The following ARHGAP15 variants were observed in gnomAD, a reference collection of about 807,000 sequenced individuals.
The protein encoded by ARHGAP15 is Rho GTPase activating protein 15, also known as rho GTPase-activating protein 15.
A neutral mutation model predicts 63.7 loss-of-function variants in ARHGAP15; 51 were observed. That is an observed-to-expected ratio of 0.80 (90% confidence interval 0.64 to 1.01). The LOEUF (loss-of-function observed/expected upper bound fraction) is 1.01, where lower values mean the gene tolerates loss of function less well. Ranked by LOEUF, ARHGAP15 falls within the 50% of genes least tolerant of loss-of-function variation. ARHGAP15 has a pLI of 0.00. For synonymous variants in ARHGAP15, 191 were observed against 193.8 expected (o/e 0.99, Z 0.12); for missense variants, 560 against 564.6 (o/e 0.99, Z 0.08).
chr2:143,456,019 G>T (rs1690633077), intron 8 of ARHGAP15, among the ~76,000 whole-genome samples: 1 of 152,010 alleles, frequency 6.6e-6, no homozygotes, highest in African/African-American at 2.4e-5. Flanking sequence ...TTTAAGTCCA[G>T]AGGAGGGCAG....
intron 6 of ARHGAP15, among the ~76,000 whole-genome samples, chr2:143,397,952 C>T (rs531846941): frequency 9.9e-5 from 15 of 152,168 alleles, no homozygotes; most frequent in Non-Finnish European, 2.1e-4. Context: ...AAATCTGTAA[C>T]CTGAGTGTAG....
chr2:143,201,096 G>A (rs1461005246), intron 2 of ARHGAP15, among the ~76,000 whole-genome samples: 2 of 151,820 alleles, frequency 1.3e-5, no homozygotes, highest in African/African-American at 4.8e-5. Flanking sequence ...CAATCATCGG[G>A]AGTTCTTTTT....
At chr2:143,211,669 A>G (rs985112266) in intron 3 of ARHGAP15, among the ~76,000 whole-genome samples, 4 of 152,154 alleles carry the variant, frequency 2.6e-5, no homozygotes, top group Non-Finnish European at 5.9e-5. Context: ...TGCTACTTTA[A>G]AGGGATCATC....
chr2:143,606,035 C>CAAAAAAAAAAAAAAAAAAAAAA (rs869266541), intron 11 of ARHGAP15, among the ~76,000 whole-genome samples: 3 of 22,872 alleles, frequency 1.3e-4, no homozygotes, highest in East Asian at 2.3e-3. Flanking sequence ...GACTCTGTCT[C>CAAAAAAAAAAAAAAAAAAAAAA]AAAAAAAAAA....
intron 2 of ARHGAP15, chr2:143,171,843 G>T (rs1271060177): frequency 6.6e-6 from 1 of 151,938 alleles, no homozygotes. Flanking sequence ...TCTGTAGTGG[G>T]TTTTTTTCTC....
intron 2 of ARHGAP15, among the ~76,000 whole-genome samples, chr2:143,167,900 G>A (rs1454709243): frequency 6.6e-6 from 1 of 152,084 alleles, no homozygotes; most frequent in Non-Finnish European, 1.5e-5. Flanking sequence ...TGCATTACCT[G>A]CTTGGCCCTA....
intron 3 of ARHGAP15, among the ~76,000 whole-genome samples, chr2:143,204,974 C>A (rs1692271433): frequency 6.6e-6 from 1 of 151,642 alleles, no homozygotes; most frequent in Non-Finnish European, 1.5e-5. Flanking sequence ...CAAACAAAAC[C>A]CATAGTGGCC....
At chr2:143,713,050 G>A (rs1184913967) in intron 13 of ARHGAP15, among the ~76,000 whole-genome samples, 1 of 152,124 alleles carries the variant, frequency 6.6e-6, no homozygotes, top group Non-Finnish European at 1.5e-5. Context: ...TGAACAAGAT[G>A]ATAATCTAAT....
intron 6 of ARHGAP15, among the ~76,000 whole-genome samples, chr2:143,307,453 A>T (rs1046095436): frequency 6.6e-6 from 1 of 152,160 alleles, no homozygotes; most frequent in Non-Finnish European, 1.5e-5. Flanking sequence ...TCATTTGGCA[A>T]TATGGATAAG....
intron 5 of ARHGAP15, among the ~76,000 whole-genome samples, chr2:143,238,854 T>A (rs1398016534): frequency 2.0e-5 from 3 of 152,198 alleles, no homozygotes. Flanking sequence ...CATGGAATAC[T>A]GTGCAGCTAT....
chr2:143,620,251 C>G (rs370307226), intron 11 of ARHGAP15, among the ~76,000 whole-genome samples: 3 of 152,098 alleles, frequency 2.0e-5, no homozygotes, highest in African/African-American at 7.2e-5. Flanking sequence ...GTGGTAAATC[C>G]AGTCCTGGAG....
intron 11 of ARHGAP15, among the ~76,000 whole-genome samples, chr2:143,581,087 C>T (rs56816331): frequency 0.3 from 45,223 of 151,770 alleles, 7,769 homozygotes; most frequent in African/African-American, 0.48. Flanking sequence ...AGTAACTTGA[C>T]TGCAGGCACA....
chr2:143,689,449 T>C (rs113985003), intron 12 of ARHGAP15, among the ~76,000 whole-genome samples: 1,663 of 152,330 alleles, frequency 0.011, 11 homozygotes, highest in Middle Eastern at 0.037. Context: ...CTCTGAGTTC[T>C]TTCATAGGTC....
intron 9 of ARHGAP15, among the ~76,000 whole-genome samples, chr2:143,494,779 G>A (rs1692743943): frequency 6.6e-6 from 1 of 152,038 alleles, no homozygotes; most frequent in African/African-American, 2.4e-5. Context: ...TTTGCCTTAG[G>A]GTGGTCTGCT....
chr2:143,316,527 TATATATAACATATATTAAA>T (rs1683718341), intron 6 of ARHGAP15, among the ~76,000 whole-genome samples: 2 of 147,462 alleles, frequency 1.4e-5, no homozygotes, highest in Middle Eastern at 7.1e-3. Context: ...TATATTAAAA[TATATATAACATATATTAAA>T]ATATATGTTA....
At chr2:143,651,995 G>A (rs1338379035) in intron 12 of ARHGAP15, among the ~76,000 whole-genome samples, 1 of 151,778 alleles carries the variant, frequency 6.6e-6, no homozygotes, top group Admixed American at 6.6e-5. Flanking sequence ...TGTCATCTCT[G>A]CATTTTTATC....
At chr2:143,458,374 A>C (rs1248662505) in intron 8 of ARHGAP15, among the ~76,000 whole-genome samples, 2 of 152,202 alleles carry the variant, frequency 1.3e-5, no homozygotes, top group Non-Finnish European at 2.9e-5. Context: ...GTCTGAAGGC[A>C]CTTGAAATCT....
At chr2:143,157,902 G>C (rs932493568) in intron 2 of ARHGAP15, among the ~76,000 whole-genome samples, 12 of 151,712 alleles carry the variant, frequency 7.9e-5, no homozygotes, top group African/African-American at 2.7e-4. Flanking sequence ...GGAAGAGATG[G>C]GTACTAAAAA....
intron 9 of ARHGAP15, among the ~76,000 whole-genome samples, chr2:143,511,196 A>C (rs1339637225): frequency 6.6e-6 from 1 of 152,254 alleles, no homozygotes; most frequent in African/African-American, 2.4e-5. Flanking sequence ...TCTCTAGTTA[A>C]ACACTAATTC....
Sources: allele counts gnomAD v4.1 joint callset (sites outside exome capture counted in the v4.1 genomes callset), GRCh38; gene constraint gnomAD v4.1.1; transcripts MANE v1.5; gene names NCBI Gene and HGNC (gene_info 2026-07-23, HGNC 2026-07-21).